ROBO2: variants seen among roughly 807,000 people sequenced by gnomAD.
ROBO2 encodes the protein roundabout homolog 2.
Under a neutral mutation model 160.8 loss-of-function variants are expected in ROBO2, and 53 were observed. The ratio of observed to expected loss-of-function variants is 0.33; its 90% CI spans 0.26 to 0.41. The LOEUF (loss-of-function observed/expected upper bound fraction) is 0.41, where lower values mean the gene tolerates loss of function less well. Ranked by LOEUF, ROBO2 falls within the 10% of genes least tolerant of loss-of-function variation. The pLI, the probability that ROBO2 is intolerant of heterozygous loss-of-function variation, is 1.00. For synonymous variants in ROBO2, 664 were observed against 611.7 expected (o/e 1.09, Z -1.26); for missense variants, 1,577 against 1,722.4 (o/e 0.92, Z 1.49).
chr3:76,703,402 CAT>C (rs1243131433), intron 2 of ROBO2, among the ~76,000 whole-genome samples: 5 of 152,128 alleles, frequency 3.3e-5, no homozygotes, highest in African/African-American at 9.7e-5. Context: ...TTCTGGGACA[CAT>C]GTGCAGAACG....
chr3:75,921,620 C>G (rs1947059620), intron 1 of ROBO2, among the ~76,000 whole-genome samples: 1 of 152,080 alleles, frequency 6.6e-6, no homozygotes, highest in Non-Finnish European at 1.5e-5. Flanking sequence ...TGCAGTTTGT[C>G]TCTGCAAAGG....
At chr3:76,789,840 T>C (rs2063236297) in intron 2 of ROBO2, among the ~76,000 whole-genome samples, 1 of 151,554 alleles carries the variant, frequency 6.6e-6, no homozygotes, top group Admixed American at 6.6e-5. Context: ...AATTAACAAG[T>C]CCATGAGGAA....
chr3:76,059,672 A>G (rs1008502055), intron 2 of ROBO2, among the ~76,000 whole-genome samples: 1 of 152,120 alleles, frequency 6.6e-6, no homozygotes, highest in African/African-American at 2.4e-5. Flanking sequence ...CTATCTGTCA[A>G]TTTTGGCTTT....
At chr3:76,342,950 T>A (rs1471913132) in intron 2 of ROBO2, among the ~76,000 whole-genome samples, 1 of 152,126 alleles carries the variant, frequency 6.6e-6, no homozygotes, top group Non-Finnish European at 1.5e-5. Context: ...AATTGATTAT[T>A]ATATAGTTAT....
At chr3:76,780,196 T>C (rs2062544264) in intron 2 of ROBO2, among the ~76,000 whole-genome samples, 1 of 150,858 alleles carries the variant, frequency 6.6e-6, no homozygotes, top group Admixed American at 6.6e-5. Context: ...CAGTTTTTTT[T>C]TTGTTTGTTT....
At chr3:76,159,996 G>A (rs13434292) in intron 2 of ROBO2, among the ~76,000 whole-genome samples, 6,977 of 152,166 alleles carry the variant, frequency 0.046, 366 homozygotes, top group East Asian at 0.22. Context: ...AGCCAGGAAC[G>A]TTGTTGTGGT....
chr3:77,329,416 T>A (rs550544200), intron 2 of ROBO2, among the ~76,000 whole-genome samples: 2 of 152,332 alleles, frequency 1.3e-5, no homozygotes, highest in East Asian at 3.9e-4. Flanking sequence ...AAATGCTGTT[T>A]GTTCTAGTGT....
chr3:77,592,793 A>AC (rs1200996937), intron 17 of ROBO2, among the ~76,000 whole-genome samples: 2 of 151,486 alleles, frequency 1.3e-5, no homozygotes, highest in African/African-American at 4.9e-5. Context: ...CTCGTGATCC[A>AC]CCCCCTCCTT....
intron 2 of ROBO2, among the ~76,000 whole-genome samples, chr3:76,943,818 G>T (rs557585776): frequency 6.6e-6 from 1 of 152,224 alleles, no homozygotes; most frequent in South Asian, 2.1e-4. Context: ...AATATTGTTT[G>T]GTGATAGATA....
intron 2 of ROBO2, among the ~76,000 whole-genome samples, chr3:76,157,000 G>T (rs1348836782): frequency 1.3e-5 from 2 of 152,018 alleles, no homozygotes; most frequent in East Asian, 1.9e-4. Context: ...GTAAATAAAA[G>T]AAACAGTTGT....
chr3:76,676,475 G>A (rs777985533), intron 2 of ROBO2, among the ~76,000 whole-genome samples: 4 of 152,080 alleles, frequency 2.6e-5, no homozygotes, highest in Admixed American at 1.3e-4. Flanking sequence ...GCGTGAAAAC[G>A]GACTAATACA....
chr3:76,228,479 G>T (rs1704427321), intron 2 of ROBO2, among the ~76,000 whole-genome samples: 1 of 151,654 alleles, frequency 6.6e-6, no homozygotes, highest in Non-Finnish European at 1.5e-5. Flanking sequence ...ACAGTTTTTT[G>T]GAAAGAAAAC....
chr3:77,384,043 A>G (rs1331226208), intron 2 of ROBO2, among the ~76,000 whole-genome samples: 2 of 152,126 alleles, frequency 1.3e-5, no homozygotes, highest in African/African-American at 4.8e-5. Flanking sequence ...CGCCCTGAAA[A>G]TTTTCAGATG....
At chr3:76,010,223 C>A (rs545164994) in intron 2 of ROBO2, among the ~76,000 whole-genome samples, 1 of 152,294 alleles carries the variant, frequency 6.6e-6, no homozygotes, top group East Asian at 1.9e-4. Context: ...GGGATTTGAA[C>A]TTTATAATTA....
chr3:76,756,776 AATCT>A (rs2060997417), intron 2 of ROBO2, among the ~76,000 whole-genome samples: 1 of 151,854 alleles, frequency 6.6e-6, no homozygotes, highest in Non-Finnish European at 1.5e-5. Flanking sequence ...ATTACGAGCA[AATCT>A]GTCTACAGGA....
At chr3:76,906,588 C>G (rs1196677343) in intron 2 of ROBO2, among the ~76,000 whole-genome samples, 1 of 151,894 alleles carries the variant, frequency 6.6e-6, no homozygotes, top group Non-Finnish European at 1.5e-5. Context: ...AAGAATAACA[C>G]TGTAATAGAT....
chr3:76,990,401 A>G, intron 2 of ROBO2, among the ~76,000 whole-genome samples: 1 of 152,216 alleles, frequency 6.6e-6, no homozygotes, highest in East Asian at 1.9e-4. Context: ...TCATGACTCT[A>G]GTTAGGAAAT....
At chr3:76,723,654 T>C (rs1485845521) in intron 2 of ROBO2, among the ~76,000 whole-genome samples, 1 of 152,236 alleles carries the variant, frequency 6.6e-6, no homozygotes, top group African/African-American at 2.4e-5. Flanking sequence ...ACATATTCTA[T>C]TGTTTACTGA....
At chr3:76,362,752 T>G (rs1220424399) in intron 2 of ROBO2, among the ~76,000 whole-genome samples, 1 of 152,060 alleles carries the variant, frequency 6.6e-6, no homozygotes, top group Non-Finnish European at 1.5e-5. Flanking sequence ...TCTTATTGTT[T>G]CTTGTCTTTG....
Sources: gnomAD v4.1 joint callset for allele counts (sites outside exome capture counted in the v4.1 genomes callset) on GRCh38, gnomAD v4.1.1 for gene constraint, MANE v1.5 for transcripts, NCBI Gene and HGNC (gene_info 2026-07-23, HGNC 2026-07-21) for gene names.